OPCML: variants seen among roughly 807,000 people sequenced by gnomAD.
OPCML encodes opioid binding protein/cell adhesion molecule like.
A neutral mutation model predicts 37.8 loss-of-function variants in OPCML; 13 were observed. That is an observed-to-expected ratio of 0.34 (90% CI 0.22 to 0.55). The LOEUF (loss-of-function observed/expected upper bound fraction) is 0.55. Among genes scored for constraint, OPCML ranks in the 20% least tolerant of loss-of-function variants. The pLI, the probability that OPCML is intolerant of heterozygous loss-of-function variation, is 0.91. For synonymous variants in OPCML, 176 were observed against 168.8 expected (o/e 1.04, Z -0.33); for missense variants, 341 against 435.6 (o/e 0.78, Z 1.93).
rs142388333 is a variant in OPCML, at chr11:133,266,924, T to C, written c.61+265340A>G. On this transcript the variant is annotated intron_variant, in intron 1 of 7. Coordinates refer to ENST00000524381, the MANE Select transcript of OPCML (RefSeq NM_001012393.5). ...ATGTCCTCAGGGCAGGTGAGATGTC[T>C]ACATGGAAGCTACCTTTTAAATTTA... is the stretch of plus-strand genomic sequence containing the variant. Among the ~76,000 whole-genome samples the C allele has an allele frequency of 7.9e-3, 1,202 of 152,316 alleles. 19 individuals carry two copies. Among genetic ancestry groups the C allele is most frequent in the African/African-American group, 0.027 (1,132 of 41,554 alleles).
chr11:132,483,710 A>G (rs1380358555), intron 4 of OPCML, among the ~76,000 whole-genome samples: 2 of 152,120 alleles, frequency 1.3e-5, no homozygotes, highest in Non-Finnish European at 2.9e-5. Flanking sequence ...TACTGGTACC[A>G]AAACAGAGAT....
rs527388848 is a variant in OPCML at position 132,629,431 on chromosome 11, C to T, written c.379+27656G>A. 3.3e-5 allele frequency among the ~76,000 whole-genome samples: 5 copies of T among 152,276 alleles called. 1 individual carries two copies. In the South Asian group the frequency reaches 6.2e-4, roughly 19 times the overall value. On this transcript the variant is annotated intron_variant, in intron 3 of 7. Coordinates refer to ENST00000524381, the MANE Select transcript of OPCML (RefSeq NM_001012393.5). ...TTAGTTTCTACTTGGACCACACAGACATGACCTTAGCTATGATCGGCTAAT... is the reference window on the plus strand; with the variant it reads ...TTAGTTTCTACTTGGACCACACAGATATGACCTTAGCTATGATCGGCTAAT...
rs1555162003 is a variant in OPCML, at chr11:133,458,582, T to TAC, written c.61+73680_61+73681dup. ...GTATACACATATATACACGTGTGTG[T>TAC]ACACATATATACACGTGTGTGTGTG... On this transcript the variant is annotated intron_variant, in intron 1 of 7. Coordinates refer to ENST00000524381, the MANE Select transcript of OPCML (RefSeq NM_001012393.5). Among the ~76,000 whole-genome samples the TAC allele has an allele frequency of 1.0e-4, 11 of 108,808 alleles. 3 individuals are homozygous for TAC. The South Asian group carries it at 1.2e-3, about 12-fold the overall frequency. The allele number at this position is 108,808 out of a possible 152,430, so 71.4% of individuals were successfully genotyped here.
intron 2 of OPCML, among the ~76,000 whole-genome samples, chr11:132,763,594 A>G (rs1946338105): frequency 6.6e-6 from 1 of 152,202 alleles, no homozygotes. Context: ...GATGCATAGA[A>G]TGACTACATC....
chr11:132,632,306 G>A (rs1170077035), intron 3 of OPCML, among the ~76,000 whole-genome samples: 2 of 137,948 alleles, frequency 1.4e-5, no homozygotes, highest in East Asian at 2.1e-4. Flanking sequence ...TGGAACTGTC[G>A]TCAAAGCAAG....
intron 1 of OPCML, among the ~76,000 whole-genome samples, chr11:133,404,767 T>A (rs1945490705): frequency 6.6e-6 from 1 of 152,218 alleles, no homozygotes; most frequent in Non-Finnish European, 1.5e-5. Context: ...TATTGCCAGA[T>A]ACCAGAGGCA....
chr11:132,957,511 TAAAC>T (rs565008761), intron 1 of OPCML, among the ~76,000 whole-genome samples: 61 of 152,176 alleles, frequency 4.0e-4, no homozygotes, highest in African/African-American at 9.9e-4. Context: ...TATTTATAAA[TAAAC>T]AAACACACAT....
intron 1 of OPCML, among the ~76,000 whole-genome samples, chr11:133,239,103 G>A (rs1452466205): frequency 1.3e-5 from 2 of 152,214 alleles, no homozygotes; most frequent in Non-Finnish European, 2.9e-5. Context: ...AGTCACAGGT[G>A]TGCAGGGGAA....
At chr11:133,347,287 C>A (rs1411504562) in intron 1 of OPCML, among the ~76,000 whole-genome samples, 1 of 152,192 alleles carries the variant, frequency 6.6e-6, no homozygotes, top group African/African-American at 2.4e-5. Flanking sequence ...GAGCAGCCAG[C>A]ACAAGTGCAG....
chr11:133,038,151 A>T (rs1947815979), intron 1 of OPCML, among the ~76,000 whole-genome samples: 1 of 152,238 alleles, frequency 6.6e-6, no homozygotes, highest in African/African-American at 2.4e-5. Flanking sequence ...AACCGAGTGC[A>T]TGGGGAGAGC....
chr11:132,748,665 G>C (rs1390858250), intron 2 of OPCML, among the ~76,000 whole-genome samples: 3 of 152,270 alleles, frequency 2.0e-5, no homozygotes, highest in African/African-American at 7.2e-5. Context: ...CCTGTTCATA[G>C]AGCCTTAGCT....
intron 1 of OPCML, chr11:133,066,427 C>A (rs1047038018): frequency 6.6e-6 from 1 of 152,186 alleles, no homozygotes; most frequent in African/African-American, 2.4e-5. Flanking sequence ...AGTACTAGGA[C>A]TTGAAGGAGG....
At chr11:132,700,144 T>G (rs551222690) in intron 2 of OPCML, among the ~76,000 whole-genome samples, 1 of 152,098 alleles carries the variant, frequency 6.6e-6, no homozygotes, top group Non-Finnish European at 1.5e-5. Flanking sequence ...TTCTGTAAAC[T>G]GTATTGTGTA....
intron 1 of OPCML, among the ~76,000 whole-genome samples, chr11:133,401,303 T>C (rs1945401518): frequency 1.3e-5 from 2 of 152,146 alleles, no homozygotes; most frequent in African/African-American, 4.8e-5. Context: ...AAATGAATAA[T>C]TCAAAAGGGC....
intron 1 of OPCML, among the ~76,000 whole-genome samples, chr11:133,073,788 T>A (rs947186843): frequency 2.0e-5 from 3 of 152,212 alleles, no homozygotes; most frequent in Non-Finnish European, 4.4e-5. Context: ...TAGTTACTAT[T>A]TATTGACCCA....
chr11:133,450,498 C>T lies in OPCML; in HGVS notation c.61+81766G>A, dbSNP rs559732568. Among the ~76,000 whole-genome samples the T allele has an allele frequency of 2.2e-4, 33 of 151,220 alleles. No individual in the cohort carries two copies. The South Asian group carries it at 6.7e-3, about 31-fold the overall frequency. On this transcript the variant is annotated intron_variant, in intron 1 of 7. Transcript: ENST00000524381. The stretch of plus-strand genomic sequence containing the variant: ...TCTGGGATATAATATGGAGACTGGG[C>T]AGGAAAACTCTTGGAATACTCAGTG...
At chr11:132,542,177 T>C (rs2137375728) in intron 3 of OPCML, among the ~76,000 whole-genome samples, 1 of 152,202 alleles carries the variant, frequency 6.6e-6, no homozygotes, top group East Asian at 1.9e-4. Flanking sequence ...GTCTTCCGCC[T>C]CAGTCCTGTC....
chr11:132,473,784 T>C (rs978702113), intron 4 of OPCML, among the ~76,000 whole-genome samples: 23 of 152,034 alleles, frequency 1.5e-4, no homozygotes, highest in African/African-American at 5.6e-4. Context: ...CAAGATCATG[T>C]CACTGCACTC....
intron 1 of OPCML, among the ~76,000 whole-genome samples, chr11:133,036,037 C>T (rs980985336): frequency 6.6e-6 from 1 of 152,172 alleles, no homozygotes; most frequent in African/African-American, 2.4e-5. Context: ...GTTAAGGCAG[C>T]CCTAGCAAAC....
Sources: gnomAD v4.1 joint callset for allele counts (sites outside exome capture counted in the v4.1 genomes callset) on GRCh38, gnomAD v4.1.1 for gene constraint, MANE v1.5 for transcripts, NCBI Gene and HGNC (gene_info 2026-07-23, HGNC 2026-07-21) for gene names.